SNX29: variants seen among roughly 807,000 people sequenced by gnomAD.
The protein encoded by SNX29 is sorting nexin-29.
In SNX29, 78 loss-of-function variants were observed where a neutral mutation model predicts 102.1. That is an observed-to-expected ratio of 0.76 (90% CI 0.64 to 0.92). SNX29 has a LOEUF of 0.92. Among genes scored for constraint, SNX29 ranks in the 40% least tolerant of loss-of-function variants. The pLI is 0.00. For synonymous variants in SNX29, 580 were observed against 414.5 expected, an observed-to-expected ratio of 1.40 and a Z score of -4.85; for missense variants, 1,280 against 1,061.7, an observed-to-expected ratio of 1.21 and a Z score of -2.86.
intron 1 of SNX29, among the ~76,000 whole-genome samples, chr16:11,987,403 C>CTT (rs34572926): frequency 1.2e-4 from 13 of 107,292 alleles, no homozygotes; most frequent in African/African-American, 4.1e-4. Context: ...GACTTTTACT[C>CTT]TTTTTTTTTT....
intron 16 of SNX29, among the ~76,000 whole-genome samples, chr16:12,372,066 G>C (rs573515767): frequency 6.6e-6 from 1 of 152,158 alleles, no homozygotes. Flanking sequence ...CCCTCCTAGC[G>C]ATCCTGCTGT....
In SNX29 at chr16:12,568,599, C is replaced by T. The variant is rs375718452; in HGVS notation, c.2412C>T (p.Arg804=). The T allele has an allele frequency of 1.5e-4, 234 of 1,605,500 alleles. 1 individual carries two copies. The highest frequency in any genetic ancestry group is 3.3e-4 in the Middle Eastern group (2 of 6,084). ...KLSRGQPRET[R]NVEPQSGDL is the part of the protein sequence containing the mutation. ...CCCGGGGTCAGCCCCGGGAGACCCGCAACGTGGAGCCCCAGAGCGGTGACC... is the reference window on the plus strand; with the variant it reads ...CCCGGGGTCAGCCCCGGGAGACCCGTAACGTGGAGCCCCAGAGCGGTGACC... Residue 804 remains arginine (R), a synonymous_variant, in exon 21 of 21, where the codon CGC becomes CGT. Coordinates refer to ENST00000566228, the MANE Select transcript of SNX29 (RefSeq NM_032167.5).
At chr16:12,350,887 C>T (rs2081974712) in intron 15 of SNX29, among the ~76,000 whole-genome samples, 1 of 152,206 alleles carries the variant, frequency 6.6e-6, no homozygotes, top group Non-Finnish European at 1.5e-5. Flanking sequence ...CTCCCAGTGA[C>T]TAGTGATCAG....
At chr16:12,023,717 G>A (rs1400179098) in intron 3 of SNX29, among the ~76,000 whole-genome samples, 3 of 152,216 alleles carry the variant, frequency 2.0e-5, no homozygotes, top group South Asian at 4.1e-4. Context: ...ATATAAGATG[G>A]GAAGCAGTGG....
rs148334106 is a variant in SNX29 at position 12,286,009 on chromosome 16, A to G, written c.1782+7973A>G. ...TAGCATACGCTACCATGCTCAGCTA[A>G]TTTTTGTATTTTTAGTAGAGACAGG... On this transcript the variant is annotated intron_variant, in intron 15 of 20. Transcript: ENST00000566228. Among the ~76,000 whole-genome samples the G allele has an allele frequency of 3.8e-3, 577 of 151,940 alleles. 5 individuals carry two copies. The highest frequency in any genetic ancestry group is 0.017 in the South Asian group (80 of 4,804).
chr16:12,398,603 A>AG, intron 17 of SNX29, 102 bp downstream of exon 17: 2 of 1,323,056 alleles, frequency 1.5e-6, no homozygotes, highest in South Asian at 2.4e-5. Context: ...ATCACTGTTG[A>AG]GACCCACACA....
intron 7 of SNX29, 41 bp from the exon 8 acceptor site, chr16:12,051,806 T>G (rs2050314129): frequency 1.3e-6 from 2 of 1,587,552 alleles, no homozygotes; most frequent in Admixed American, 3.8e-5. Flanking sequence ...TTGTCTTGCC[T>G]CCTTTTTCTT....
At chr16:12,435,607 A>G (rs2085499931) in intron 18 of SNX29, among the ~76,000 whole-genome samples, 1 of 152,232 alleles carries the variant, frequency 6.6e-6, no homozygotes, top group Non-Finnish European at 1.5e-5. Context: ...CGCAGTTTAG[A>G]AAACACCAGT....
intron 3 of SNX29, among the ~76,000 whole-genome samples, chr16:12,020,292 T>C (rs2151090953): frequency 6.6e-6 from 1 of 152,198 alleles, no homozygotes; most frequent in Admixed American, 6.5e-5. Flanking sequence ...CCAGGGCTAA[T>C]TTTTTTATTT....
chr16:12,190,424 T>C (rs753939582), intron 13 of SNX29, among the ~76,000 whole-genome samples: 5 of 152,102 alleles, frequency 3.3e-5, no homozygotes, highest in Non-Finnish European at 5.9e-5. Context: ...ATGAGACTTG[T>C]TAAGAGAGAA....
At chr16:12,226,431 G>A (rs746198047) in intron 14 of SNX29, among the ~76,000 whole-genome samples, 1 of 152,158 alleles carries the variant, frequency 6.6e-6, no homozygotes, top group Admixed American at 6.5e-5. Context: ...AGGAGAGAGA[G>A]GGAAAGAGAA....
intron 14 of SNX29, among the ~76,000 whole-genome samples, chr16:12,216,776 C>G (rs1044494447): frequency 6.4e-5 from 9 of 140,250 alleles, no homozygotes; most frequent in East Asian, 4.9e-4. Flanking sequence ...CAAATTCACT[C>G]GCTTTCTCCA....
rs1429947604 is a variant in SNX29, at chr16:12,572,979, T to C, written c.*4350T>C. ...AGGTCAAAGATTTTTCAAAATATTG[T>C]GCATTAATTCATTAAAGCTACTGTT... On this transcript the variant is annotated 3_prime_UTR_variant, in exon 21 of 21. Transcript: ENST00000566228. 2 of 462,886 alleles carry C rather than the reference T, an allele frequency of 4.3e-6. No homozygotes were observed. Among genetic ancestry groups the C allele is most frequent in the African/African-American group, 2.0e-5 (1 of 49,262 alleles). The allele number at this position is 462,886 out of a possible 1,614,324, so 28.7% of individuals were successfully genotyped here.
chr16:12,147,050 C>G (rs149161269), intron 13 of SNX29, among the ~76,000 whole-genome samples: 3 of 152,350 alleles, frequency 2.0e-5, no homozygotes, highest in East Asian at 3.9e-4. Context: ...AGAATCCAAT[C>G]AAAGACTCAG....
intron 11 of SNX29, among the ~76,000 whole-genome samples, chr16:12,113,005 A>T (rs1280485370): frequency 6.6e-6 from 1 of 152,166 alleles, no homozygotes; most frequent in African/African-American, 2.4e-5. Context: ...GTCTCAGGAG[A>T]TCCACATGAT....
At chr16:12,159,264 G>A (rs1427276038) in intron 13 of SNX29, among the ~76,000 whole-genome samples, 1 of 152,202 alleles carries the variant, frequency 6.6e-6, no homozygotes, top group Non-Finnish European at 1.5e-5. Flanking sequence ...GCATTGTAGG[G>A]AGTTGGCTTC....
rs2079200832 is a variant in SNX29 at position 12,572,125 on chromosome 16, C to T, written c.*3496C>T. The T allele has an allele frequency of 2.9e-6, 3 of 1,026,808 alleles. No homozygotes were observed. Among genetic ancestry groups the T allele is most frequent in the Non-Finnish European group, 3.6e-6 (3 of 844,630 alleles). 63.6% of individuals were successfully genotyped at this position (1,026,808 alleles called of 1,614,324 possible). A position where few individuals can be genotyped will look rare whatever the true frequency, so the allele number is the denominator to read the frequency against. On this transcript the variant is annotated 3_prime_UTR_variant, in exon 21 of 21. Transcript: ENST00000566228. Reference sequence around the variant, plus strand: ...CTGGGTCTGATCACAGCCCTTGGCCCTGCTTCATACTTTGGAGCTTATTAA... The same window carrying T: ...CTGGGTCTGATCACAGCCCTTGGCCTTGCTTCATACTTTGGAGCTTATTAA...
chr16:12,389,220 G>A (rs533824522), intron 16 of SNX29, among the ~76,000 whole-genome samples: 1 of 152,294 alleles, frequency 6.6e-6, no homozygotes, highest in Non-Finnish European at 1.5e-5. Context: ...TTCCCTGGCT[G>A]TTAAATTGGA....
rs2079129851 is a variant in SNX29, at chr16:12,569,120, T to TTG, written c.*491_*492insTG. 9.0e-6 allele frequency: 1 copy of TTG among 110,522 alleles called. No individual in the cohort carries two copies. Among genetic ancestry groups the TTG allele is most frequent in the Non-Finnish European group, 1.7e-5 (1 of 59,792 alleles). The allele number at this position is 110,522 out of a possible 1,614,324, so 6.8% of individuals were successfully genotyped here. A position where few individuals can be genotyped will look rare whatever the true frequency, so the allele number is the denominator to read the frequency against. Reference sequence around the variant, plus strand: ...GGCCTAACCTAGGGATGGCTGGCTTTGCGGGGGGGGGGGGGGGGGGGGGCA... The same window carrying TTG: ...GGCCTAACCTAGGGATGGCTGGCTTTTGGCGGGGGGGGGGGGGGGGGGGGGCA... On this transcript the variant is annotated 3_prime_UTR_variant, in exon 21 of 21. Transcript: ENST00000566228.
Sources: gnomAD v4.1 joint callset for allele counts (sites outside exome capture counted in the v4.1 genomes callset) on GRCh38, gnomAD v4.1.1 for gene constraint, MANE v1.5 for transcripts, NCBI Gene and HGNC (gene_info 2026-07-23, HGNC 2026-07-21) for gene names.